The following SPATA13 variants were observed in gnomAD, a reference collection of about 807,000 sequenced individuals.
SPATA13 encodes the protein spermatogenesis associated 13.
Under a neutral mutation model 104.0 loss-of-function variants are expected in SPATA13, and 50 were observed. That is an observed-to-expected ratio of 0.48 (90% confidence interval 0.38 to 0.61). The LOEUF (loss-of-function observed/expected upper bound fraction) is 0.61, where lower values mean the gene tolerates loss of function less well. Ranked by LOEUF, SPATA13 falls within the 20% of genes least tolerant of loss-of-function variation. The probability of loss-of-function intolerance (pLI) is 0.00; values close to 1 mark genes in which losing one functional copy is unlikely to be tolerated. For missense variants in SPATA13, 1,524 were observed against 1,690.6 expected (o/e 0.90, Z 1.73); for synonymous variants, 606 against 667.5 (o/e 0.91, Z 1.42).
At chr13:24,040,365 T>C (rs1593293955) in intron 3 of SPATA13, among the ~76,000 whole-genome samples, 1 of 152,160 alleles carries the variant, frequency 6.6e-6, no homozygotes, top group Non-Finnish European at 1.5e-5. Flanking sequence ...TCCCAGGTGG[T>C]ACATGGCTCA....
At chr13:24,040,746 C>T (rs1051009236) in intron 3 of SPATA13, among the ~76,000 whole-genome samples, 3 of 152,158 alleles carry the variant, frequency 2.0e-5, no homozygotes, top group Non-Finnish European at 4.4e-5. Context: ...CTTCAAGGCA[C>T]CCCAACTTTA....
chr13:23,987,725 A>T (rs754852420), intron 2 of SPATA13, among the ~76,000 whole-genome samples: 1 of 152,040 alleles, frequency 6.6e-6, no homozygotes, highest in Non-Finnish European at 1.5e-5. Context: ...ACCTCCATCC[A>T]TCTGCAGAAC....
chr13:24,302,218 C>T (rs1422221622), intron 12 of SPATA13, among the ~76,000 whole-genome samples: 4 of 152,104 alleles, frequency 2.6e-5, no homozygotes, highest in African/African-American at 9.7e-5. Flanking sequence ...TGTCACGCTC[C>T]ACACGGAGTA....
chr13:23,987,200 T>C (rs753291072), intron 2 of SPATA13, among the ~76,000 whole-genome samples: 2 of 152,172 alleles, frequency 1.3e-5, no homozygotes, highest in African/African-American at 2.4e-5. Context: ...CTTGGGGTCT[T>C]ATTTAGCAGG....
intron 3 of SPATA13, among the ~76,000 whole-genome samples, chr13:24,071,952 G>T (rs9511033): frequency 0.29 from 44,788 of 152,128 alleles, 6,952 homozygotes; most frequent in Middle Eastern, 0.35. Flanking sequence ...TTATGGCAAG[G>T]TATTGGTGGT....
At chr13:24,048,558 CTT>C (rs893427966) in intron 3 of SPATA13, among the ~76,000 whole-genome samples, 20 of 152,076 alleles carry the variant, frequency 1.3e-4, no homozygotes, top group African/African-American at 4.8e-4. Flanking sequence ...ATAACTTTCT[CTT>C]ATTTTTTTCT....
chr13:24,135,923 A>G (rs1351836727), intron 3 of SPATA13, among the ~76,000 whole-genome samples: 1 of 152,086 alleles, frequency 6.6e-6, no homozygotes, highest in African/African-American at 2.4e-5. Flanking sequence ...AATTCAGCAT[A>G]ATGTGAAAGA....
At chr13:23,986,651 A>G (rs1352070478) in intron 2 of SPATA13, among the ~76,000 whole-genome samples, 1 of 152,156 alleles carries the variant, frequency 6.6e-6, no homozygotes, top group African/African-American at 2.4e-5. Context: ...AGAGGTGTGG[A>G]TTTCTCACCT....
chr13:24,277,272 G>C (rs181575076), intron 4 of SPATA13, among the ~76,000 whole-genome samples: 1 of 151,806 alleles, frequency 6.6e-6, no homozygotes, highest in Non-Finnish European at 1.5e-5. Context: ...GTGAAACCAC[G>C]TCTCTACTAA....
intron 1 of SPATA13, among the ~76,000 whole-genome samples, chr13:24,186,561 A>G (rs1869163896): frequency 6.6e-6 from 1 of 152,232 alleles, no homozygotes; most frequent in Non-Finnish European, 1.5e-5. Context: ...AAATTATTTT[A>G]GGTTGTCCCC....
At chr13:24,293,190 T>A (rs1876527249) in intron 9 of SPATA13, among the ~76,000 whole-genome samples, 1 of 151,098 alleles carries the variant, frequency 6.6e-6, no homozygotes. Flanking sequence ...AGCTATATAT[T>A]TTTTTCTTTT....
At position 24,296,716 on chromosome 13, in the gene SPATA13, A is replaced by G. The variant is rs751461206; in HGVS notation, c.3211-647A>G. The stretch of plus-strand genomic sequence containing the variant: ...CTGTTTCAGATCTTGACTGGGTTCC[A>G]TTAATTCAGCATGCCTCTTACCAGA... On this transcript the variant is annotated intron_variant, in intron 10 of 12. Transcript: ENST00000382108. 1.3e-3 allele frequency among the ~76,000 whole-genome samples: 191 copies of G among 152,214 alleles called. 1 individual carries two copies. The highest frequency in any genetic ancestry group is 1.6e-3 in the Non-Finnish European group (106 of 68,006).
chr13:24,144,272 C>T (rs1297844551), intron 3 of SPATA13, among the ~76,000 whole-genome samples: 3 of 152,162 alleles, frequency 2.0e-5, no homozygotes, highest in African/African-American at 4.8e-5. Context: ...GCCTCGTGTA[C>T]GTCACAAACA....
chr13:24,091,787 A>G (rs1192087193), intron 3 of SPATA13, among the ~76,000 whole-genome samples: 5 of 152,132 alleles, frequency 3.3e-5, no homozygotes, highest in African/African-American at 1.2e-4. Flanking sequence ...TGACAGAGGG[A>G]GACTCCATCT....
chr13:24,174,997 T>C, intron 1 of SPATA13, among the ~76,000 whole-genome samples: 1 of 152,218 alleles, frequency 6.6e-6, no homozygotes, highest in Non-Finnish European at 1.5e-5. Flanking sequence ...CTAGTTTAAT[T>C]CCATTACGGT....
chr13:24,235,090 T>G (rs986607643), intron 2 of SPATA13, among the ~76,000 whole-genome samples: 2 of 152,228 alleles, frequency 1.3e-5, no homozygotes, highest in Non-Finnish European at 2.9e-5. Flanking sequence ...ATCATTGTTA[T>G]GATTGAAATT....
At chr13:24,068,728 A>G (rs1251265919) in intron 3 of SPATA13, among the ~76,000 whole-genome samples, 1 of 152,176 alleles carries the variant, frequency 6.6e-6, no homozygotes, top group East Asian at 1.9e-4. Flanking sequence ...ATGAGATGGT[A>G]TCTCATGGTG....
chr13:24,219,003 CAAAA>C (rs35494448), intron 1 of SPATA13, among the ~76,000 whole-genome samples: 1 of 110,524 alleles, frequency 9.0e-6, no homozygotes, highest in Admixed American at 9.8e-5. Flanking sequence ...TCATTATCAC[CAAAA>C]AAAAAAAAAA....
intron 3 of SPATA13, among the ~76,000 whole-genome samples, chr13:24,061,114 A>C (rs528384094): frequency 6.6e-6 from 1 of 152,222 alleles, no homozygotes; most frequent in African/African-American, 2.4e-5. Flanking sequence ...TAACAGGCAC[A>C]TGAAAGAAAG....
Sources: allele counts gnomAD v4.1 joint callset (sites outside exome capture counted in the v4.1 genomes callset), GRCh38; gene constraint gnomAD v4.1.1; transcripts MANE v1.5; gene names NCBI Gene and HGNC (gene_info 2026-07-23, HGNC 2026-07-21).